The following MLLT10 variants were observed in gnomAD, a reference collection of about 807,000 sequenced individuals.
MLLT10 encodes the protein MLLT10 histone lysine methyltransferase DOT1L cofactor.
Under a neutral mutation model 129.1 loss-of-function variants are expected in MLLT10, and 30 were observed. The observed-to-expected ratio is 0.23, with a 90% CI of 0.17 to 0.32. The LOEUF (loss-of-function observed/expected upper bound fraction) is 0.32, where lower values mean the gene tolerates loss of function less well. MLLT10 is among the 10% of genes least tolerant of loss of function. MLLT10 has a pLI of 1.00. For missense variants in MLLT10, 1,119 were observed against 1,268.3 expected (o/e 0.88, Z 1.79); for synonymous variants, 490 against 446.4 (o/e 1.10, Z -1.23).
intron 3 of MLLT10, among the ~76,000 whole-genome samples, chr10:21,546,371 A>G (rs1396600993): frequency 1.3e-5 from 2 of 150,366 alleles, no homozygotes; most frequent in African/African-American, 2.4e-5. Context: ...GAGTGACCGT[A>G]TCTGGCCAGA....
intron 3 of MLLT10, among the ~76,000 whole-genome samples, chr10:21,574,341 A>G (rs911986378): frequency 6.6e-6 from 1 of 152,042 alleles, no homozygotes; most frequent in African/African-American, 2.4e-5. Flanking sequence ...GGTAATTTGT[A>G]TTCTTCCTAT....
At chr10:21,571,375 C>T (rs1024152453) in intron 3 of MLLT10, among the ~76,000 whole-genome samples, 1 of 152,202 alleles carries the variant, frequency 6.6e-6, no homozygotes, top group African/African-American at 2.4e-5. Flanking sequence ...GCTCTAGGCA[C>T]CTTGGCCTCC....
At chr10:21,703,553 C>A (rs2055134406) in intron 13 of MLLT10, among the ~76,000 whole-genome samples, 1 of 150,234 alleles carries the variant, frequency 6.7e-6, no homozygotes, top group Non-Finnish European at 1.5e-5. Context: ...CTGGGAAGTT[C>A]TTTTTTTTTG....
At chr10:21,715,003 T>C (rs1213968278) in intron 14 of MLLT10, among the ~76,000 whole-genome samples, 1 of 152,218 alleles carries the variant, frequency 6.6e-6, no homozygotes, top group Non-Finnish European at 1.5e-5. Context: ...TGTATGATTT[T>C]ATTTTCATTT....
chr10:21,647,027 T>C (rs1337583028), intron 8 of MLLT10, among the ~76,000 whole-genome samples: 1 of 152,106 alleles, frequency 6.6e-6, no homozygotes, highest in Non-Finnish European at 1.5e-5. Context: ...GACTAATCTT[T>C]TGTATTTTTA....
At position 21,673,820 on chromosome 10, in the gene MLLT10, G is replaced by T. The variant is rs1264026365; in HGVS notation, c.1522G>T (p.Ala508Ser). 1.2e-6 allele frequency: 2 copies of T among 1,614,098 alleles called. No homozygotes were observed. Among genetic ancestry groups the T allele is most frequent in the Admixed American group, 1.7e-5 (1 of 60,020 alleles). The change falls in exon 11 of 23, where the codon GCA (alanine) becomes TCA (serine). Residue 508 changes from alanine to serine, a missense_variant. Ala to Ser is a moderately conservative substitution (Grantham distance 99, BLOSUM62 1). This residue lies in a region of MLLT10 where 1,004 missense variants were observed against 1,008.7 expected (regional missense o/e 1.00). Coordinates refer to ENST00000307729, the MANE Select transcript of MLLT10 (RefSeq NM_001195626.3). The part of the protein sequence containing the change: ...ASPTSSVASA[A>S]GSITSSSLQK... ...ACCAACATCATCTGTAGCATCAGCTGCAGGAAGCATAACAAGCTCTAGTCT... is the reference window on the plus strand; with the variant it reads ...ACCAACATCATCTGTAGCATCAGCTTCAGGAAGCATAACAAGCTCTAGTCT...
chr10:21,585,780 A>G (rs535511426), intron 3 of MLLT10, among the ~76,000 whole-genome samples: 4 of 152,088 alleles, frequency 2.6e-5, no homozygotes, highest in Admixed American at 2.6e-4. Flanking sequence ...TGTTTCTTTT[A>G]GTTGGAGTTT....
intron 3 of MLLT10, chr10:21,556,939 G>A (rs1194456355): frequency 5.2e-6 from 8 of 1,548,038 alleles, no homozygotes; most frequent in Non-Finnish European, 7.0e-6. Context: ...AGGAGAGGTG[G>A]TAGTGTTTAA....
At chr10:21,722,120 TTTC>T (rs2057176803) in intron 14 of MLLT10, among the ~76,000 whole-genome samples, 1 of 152,086 alleles carries the variant, frequency 6.6e-6, no homozygotes, top group Non-Finnish European at 1.5e-5. Context: ...TTATGGCAGT[TTTC>T]TTAATTTGAA....
At chr10:21,686,602 G>A (rs1454575324) in intron 13 of MLLT10, among the ~76,000 whole-genome samples, 2 of 152,074 alleles carry the variant, frequency 1.3e-5, no homozygotes, top group African/African-American at 2.4e-5. Context: ...CAAAAGAACC[G>A]CCTTCATTAA....
intron 20 of MLLT10, 23 bp from the exon 21 acceptor site, chr10:21,735,116 T>A (rs769829889): frequency 1.3e-5 from 20 of 1,577,902 alleles, no homozygotes; most frequent in Non-Finnish European, 1.7e-5. Flanking sequence ...TAGTAAAAAG[T>A]AAGAATTGTA....
Position 21,548,790 on chromosome 10 carries a change from ATTTTTCAATTTGTCTCT to A in MLLT10, c.240+9886_240+9902del, listed in dbSNP as rs1218984876. Among the ~76,000 whole-genome samples the A allele has an allele frequency of 1.1e-4, 16 of 151,728 alleles. No individual in the cohort carries two copies. The East Asian group carries it at 3.1e-3, about 29-fold the overall frequency. On this transcript the variant is annotated intron_variant, in intron 3 of 22. Coordinates refer to ENST00000307729, the MANE Select transcript of MLLT10 (RefSeq NM_001195626.3). ...ATTTCTAGAATTTTTGTGTGATTTT[ATTTTTCAATTTGTCTCT>A]TTTTTCAGGGTATCTTGCTTTATTG...
At position 21,656,713 on chromosome 10, in the gene MLLT10, G is replaced by A. The variant is rs1015450173; in HGVS notation, c.795+4945G>A. Among the ~76,000 whole-genome samples, 4 of 152,034 alleles carry A rather than the reference G, an allele frequency of 2.6e-5. No individual in the cohort carries two copies. In the East Asian group the frequency reaches 5.8e-4, roughly 22 times the overall value. ...GTATCACTATCACCTTTTAAATATTGCAACTATAATTTACTAGTGTAATAT... is the reference window on the plus strand; with the variant it reads ...GTATCACTATCACCTTTTAAATATTACAACTATAATTTACTAGTGTAATAT... On this transcript the variant is annotated intron_variant, in intron 9 of 22. Transcript: ENST00000307729.
At chr10:21,646,231 C>T (rs1341028881) in intron 8 of MLLT10, among the ~76,000 whole-genome samples, 1 of 151,920 alleles carries the variant, frequency 6.6e-6, no homozygotes, top group Admixed American at 6.6e-5. Context: ...ACAAAAAAAC[C>T]CCTCTCCTGT....
intron 3 of MLLT10, among the ~76,000 whole-genome samples, chr10:21,571,413 T>A (rs781387024): frequency 1.3e-5 from 2 of 152,190 alleles, no homozygotes; most frequent in Non-Finnish European, 2.9e-5. Flanking sequence ...TTTCCTCAAC[T>A]TGGGGAGACT....
chr10:21,590,960 T>C (rs1484929059), intron 4 of MLLT10, among the ~76,000 whole-genome samples: 1 of 152,230 alleles, frequency 6.6e-6, no homozygotes, highest in Non-Finnish European at 1.5e-5. Context: ...GTCTTTTATT[T>C]TAGATATTCT....
At chr10:21,603,126 C>T (rs1047063527) in intron 5 of MLLT10, among the ~76,000 whole-genome samples, 8 of 150,974 alleles carry the variant, frequency 5.3e-5, no homozygotes, top group Non-Finnish European at 1.0e-4. Flanking sequence ...GATCTTGGCT[C>T]ACTGCAACCT....
At chr10:21,581,192 C>G (rs920809083) in intron 3 of MLLT10, among the ~76,000 whole-genome samples, 22 of 151,662 alleles carry the variant, frequency 1.5e-4, no homozygotes, top group African/African-American at 5.3e-4. Flanking sequence ...ACTACAGGCG[C>G]CCACTATCAC....
intron 8 of MLLT10, chr10:21,625,996 C>A (rs573455168): frequency 1.0e-6 from 1 of 984,014 alleles, no homozygotes; most frequent in South Asian, 1.3e-5. Context: ...TTGGTGGAGG[C>A]CCACCATACT....
Sources: allele counts gnomAD v4.1 joint callset (sites outside exome capture counted in the v4.1 genomes callset), GRCh38; gene constraint gnomAD v4.1.1; regional missense constraint gnomAD v4.1.1; transcripts MANE v1.5; gene names NCBI Gene and HGNC (gene_info 2026-07-23, HGNC 2026-07-21).